Variants in PRKCB observed in about 807,000 individuals in gnomAD.
PRKCB encodes protein kinase C beta type.
PRKCB carries 13 observed loss-of-function variants against 81.5 expected under a neutral mutation model. The ratio of observed to expected loss-of-function variants is 0.16; its 90% confidence interval spans 0.10 to 0.25. The LOEUF is 0.25. Ranked by LOEUF, PRKCB falls within the 10% of genes least tolerant of loss-of-function variation. The pLI is 1.00. For synonymous variants in PRKCB, 335 were observed against 321.4 expected (o/e 1.04, Z -0.45); for missense variants, 509 against 875.7 (o/e 0.58, Z 5.29).
chr16:23,917,554 C>T (rs932556926), intron 2 of PRKCB, among the ~76,000 whole-genome samples: 1 of 152,226 alleles, frequency 6.6e-6, no homozygotes, highest in African/African-American at 2.4e-5. Flanking sequence ...TTAGGAGGGA[C>T]TGCAGCTCTC....
chr16:23,837,053 C>T (rs575519877), intron 1 of PRKCB, among the ~76,000 whole-genome samples: 1 of 152,166 alleles, frequency 6.6e-6, no homozygotes, highest in East Asian at 1.9e-4. Flanking sequence ...TTTATCTCTT[C>T]TCTTTTCCCG....
chr16:24,056,171 TC>T (rs1965900662), intron 5 of PRKCB, among the ~76,000 whole-genome samples: 1 of 152,234 alleles, frequency 6.6e-6, no homozygotes, highest in African/African-American at 2.4e-5. Flanking sequence ...CTTTCTCTTT[TC>T]CTCTTTGAAG....
chr16:24,058,308 G>C (rs1173157496), intron 5 of PRKCB, among the ~76,000 whole-genome samples: 1 of 152,074 alleles, frequency 6.6e-6, no homozygotes, highest in East Asian at 1.9e-4. Context: ...CTCTCCACTG[G>C]ATGGAGAGCA....
At chr16:24,154,921 A>G (rs963422706) in intron 10 of PRKCB, 64 bp downstream of exon 10, 3 of 1,540,568 alleles carry the variant, frequency 1.9e-6, no homozygotes, top group South Asian at 1.2e-5. Context: ...GGCCAAAGCT[A>G]TCTTAGCAGC....
At chr16:24,169,281 C>T (rs953708485) in intron 10 of PRKCB, among the ~76,000 whole-genome samples, 3 of 152,070 alleles carry the variant, frequency 2.0e-5, no homozygotes, top group African/African-American at 7.2e-5. Flanking sequence ...ATTGATGGCT[C>T]GCTTTGGTCA....
In PRKCB at chr16:24,039,527, C is replaced by T. The variant is rs1965672370; in HGVS notation, c.529+3980C>T. Among the ~76,000 whole-genome samples, 4 of 152,182 alleles carry T rather than the reference C, an allele frequency of 2.6e-5. No individual in the cohort carries two copies. In the South Asian group the frequency reaches 8.3e-4, roughly 31 times the overall value. ...TTACAGGCGTGAGCCACTGTGCCGG[C>T]CTAAATGTCTGTTGTTTAAGCCACC... is the stretch of plus-strand genomic sequence containing the variant. On this transcript the variant is annotated intron_variant, in intron 5 of 16. Coordinates refer to ENST00000643927, the MANE Select transcript of PRKCB (RefSeq NM_002738.7).
intron 3 of PRKCB, among the ~76,000 whole-genome samples, chr16:24,025,560 G>T (rs1965467903): frequency 6.6e-6 from 1 of 152,238 alleles, no homozygotes; most frequent in Non-Finnish European, 1.5e-5. Context: ...CACATTGCAT[G>T]CAGTGAAGTG....
chr16:24,081,180 G>A (rs571822401), intron 5 of PRKCB, among the ~76,000 whole-genome samples: 121 of 151,628 alleles, frequency 8.0e-4, no homozygotes, highest in African/African-American at 2.7e-3. Flanking sequence ...AGAAATATTA[G>A]CAAATTAAAT....
At chr16:24,198,662 G>A (rs1349752219) in intron 16 of PRKCB, among the ~76,000 whole-genome samples, 1 of 152,172 alleles carries the variant, frequency 6.6e-6, no homozygotes, top group Non-Finnish European at 1.5e-5. Context: ...AAGCGCTAAA[G>A]TGTGTGTACA....
intron 7 of PRKCB, among the ~76,000 whole-genome samples, chr16:24,110,168 GGGA>G (rs376349794): frequency 0.015 from 1,582 of 107,086 alleles, 6 homozygotes; most frequent in Middle Eastern, 0.043. Flanking sequence ...AGGAGGGAGA[GGGA>G]GAGGGAGAGG....
At chr16:23,902,780 T>TCCTTCCTTCTTCCTCCCTCCCTC (rs1567307987) in intron 2 of PRKCB, among the ~76,000 whole-genome samples, 1 of 27,396 alleles carries the variant, frequency 3.7e-5, no homozygotes, top group Non-Finnish European at 6.2e-5. Context: ...CTTCCTTCCT[T>TCCTTCCTTCTTCCTCCCTCCCTC]CCTCCCTCCC....
At position 24,020,817 on chromosome 16, in the gene PRKCB, C is replaced by T. The variant is rs187075512; in HGVS notation, c.289-11319C>T. 7.0e-4 allele frequency among the ~76,000 whole-genome samples: 107 copies of T among 152,264 alleles called. 1 individual carries two copies. Among genetic ancestry groups the T allele is most frequent in the Middle Eastern group, 6.8e-3 (2 of 294 alleles). On this transcript the variant is annotated intron_variant, in intron 3 of 16. Transcript: ENST00000643927. ...TGACACAGTCTGAACTTGCAATTTG[C>T]TTTTCCTTTCTCCTCTATGGATGCT...
chr16:23,921,103 A>T (rs1963818505), intron 2 of PRKCB, among the ~76,000 whole-genome samples: 1 of 152,164 alleles, frequency 6.6e-6, no homozygotes, highest in African/African-American at 2.4e-5. Context: ...CACCCCCATG[A>T]TTCAGTTATT....
At chr16:24,122,217 A>G (rs1966806217) in intron 8 of PRKCB, among the ~76,000 whole-genome samples, 1 of 151,888 alleles carries the variant, frequency 6.6e-6, no homozygotes, top group South Asian at 2.1e-4. Context: ...AGGGAACAGC[A>G]GGTGCAAAGG....
intron 3 of PRKCB, among the ~76,000 whole-genome samples, chr16:24,023,607 A>G (rs977368123): frequency 6.6e-6 from 1 of 151,988 alleles, no homozygotes; most frequent in Non-Finnish European, 1.5e-5. Context: ...TGACCTCGTG[A>G]TCCGCCAGCC....
chr16:23,982,176 T>TCCCTTC (rs1567334120), intron 2 of PRKCB, among the ~76,000 whole-genome samples: 1 of 13,794 alleles, frequency 7.2e-5, no homozygotes. Context: ...CCCTTCCCTT[T>TCCCTTC]CCCTTTCCCT....
At chr16:23,886,258 G>A (rs1963197220) in intron 2 of PRKCB, among the ~76,000 whole-genome samples, 1 of 152,106 alleles carries the variant, frequency 6.6e-6, no homozygotes, top group Non-Finnish European at 1.5e-5. Context: ...TCTTGAGAGA[G>A]GCTTCTCTTG....
intron 2 of PRKCB, among the ~76,000 whole-genome samples, chr16:23,958,140 T>C (rs1964374825): frequency 6.6e-6 from 1 of 151,312 alleles, no homozygotes; most frequent in African/African-American, 2.4e-5. Flanking sequence ...TACAGGTGTG[T>C]GCCACCACGC....
Position 24,127,308 on chromosome 16 carries a change from G to A in PRKCB, c.1065+3327G>A, listed in dbSNP as rs74985890. Among the ~76,000 whole-genome samples the A allele has an allele frequency of 2.9e-3, 441 of 152,100 alleles. 5 individuals are homozygous for A. The highest frequency in any genetic ancestry group is 9.9e-3 in the African/African-American group (410 of 41,514). On this transcript the variant is annotated intron_variant, in intron 9 of 16. Coordinates refer to ENST00000643927, the MANE Select transcript of PRKCB (RefSeq NM_002738.7). ...GGTGTGAGCCACCACGCCCGGCCAT[G>A]ATATTCTTAATAAGCAATGCATTCA...
Sources: gnomAD v4.1 joint callset for allele counts (sites outside exome capture counted in the v4.1 genomes callset) on GRCh38, gnomAD v4.1.1 for gene constraint, MANE v1.5 for transcripts, NCBI Gene and HGNC (gene_info 2026-07-23, HGNC 2026-07-21) for gene names.